Variants in PPP3CC observed in about 807,000 individuals in gnomAD.
The protein encoded by PPP3CC is protein phosphatase 3 catalytic subunit gamma, also known as serine/threonine-protein phosphatase 2B catalytic subunit gamma isoform.
In PPP3CC, 35 loss-of-function variants were observed where a neutral mutation model predicts 60.3. That is an observed-to-expected ratio of 0.58 (90% confidence interval 0.44 to 0.77). The LOEUF (loss-of-function observed/expected upper bound fraction) is 0.77. Ranked by LOEUF, PPP3CC falls within the 30% of genes least tolerant of loss-of-function variation. PPP3CC has a pLI of 0.00. For synonymous variants in PPP3CC, 206 were observed against 224.3 expected (o/e 0.92, Z 0.73); for missense variants, 570 against 628.9 (o/e 0.91, Z 1.00).
chr8:22,479,698 C>T (rs1367890540), intron 3 of PPP3CC, among the ~76,000 whole-genome samples: 2 of 147,566 alleles, frequency 1.4e-5, no homozygotes, highest in Non-Finnish European at 3.0e-5. Flanking sequence ...GAGCCCAGAT[C>T]GCCCCACTGC....
intron 1 of PPP3CC, among the ~76,000 whole-genome samples, chr8:22,452,023 T>TTTTA: frequency 6.6e-6 from 1 of 151,260 alleles, no homozygotes; most frequent in Admixed American, 6.6e-5. Context: ...ATAATGGTTT[T>TTTTA]TTTTTTTTTT....
At chr8:22,498,942 A>G (rs139548563) in intron 4 of PPP3CC, among the ~76,000 whole-genome samples, 1,894 of 149,040 alleles carry the variant, frequency 0.013, 33 homozygotes, top group African/African-American at 0.042. Context: ...GGCCAACATG[A>G]TGAAACCCCT....
intron 1 of PPP3CC, among the ~76,000 whole-genome samples, chr8:22,470,989 C>T (rs972725073): frequency 2.0e-5 from 3 of 152,168 alleles, no homozygotes; most frequent in African/African-American, 7.2e-5. Flanking sequence ...TGGAAAGCTG[C>T]TCTAGTCATA....
At chr8:22,476,077 G>A (rs1837879775) in intron 3 of PPP3CC, among the ~76,000 whole-genome samples, 1 of 152,156 alleles carries the variant, frequency 6.6e-6, no homozygotes, top group Non-Finnish European at 1.5e-5. Context: ...CACATAGTAA[G>A]CACTTAATAA....
intron 4 of PPP3CC, among the ~76,000 whole-genome samples, chr8:22,510,390 A>G (rs1386518790): frequency 6.6e-6 from 1 of 152,206 alleles, no homozygotes; most frequent in African/African-American, 2.4e-5. Flanking sequence ...CAAAAACATT[A>G]TTGACATTTT....
chr8:22,451,633 A>T (rs1475874487), intron 1 of PPP3CC, among the ~76,000 whole-genome samples: 1 of 152,204 alleles, frequency 6.6e-6, no homozygotes, highest in East Asian at 1.9e-4. Flanking sequence ...AGACCCTCCC[A>T]GCCCCCTTCG....
At chr8:22,452,821 A>G (rs1353546047) in intron 1 of PPP3CC, among the ~76,000 whole-genome samples, 1 of 152,176 alleles carries the variant, frequency 6.6e-6, no homozygotes, top group Non-Finnish European at 1.5e-5. Context: ...CGCTATCATC[A>G]TCATCATCAT....
At chr8:22,487,019 C>T (rs901141576) in intron 3 of PPP3CC, among the ~76,000 whole-genome samples, 6 of 152,026 alleles carry the variant, frequency 3.9e-5, no homozygotes, top group Non-Finnish European at 7.4e-5. Flanking sequence ...CATGAGCCAC[C>T]GCGCCCAGCC....
chr8:22,454,806 C>T (rs755371998), intron 1 of PPP3CC, among the ~76,000 whole-genome samples: 4 of 152,096 alleles, frequency 2.6e-5, no homozygotes, highest in South Asian at 2.1e-4. Flanking sequence ...CGGTGGCTCA[C>T]GCCTGTAATC....
chr8:22,478,141 C>T (rs543593011), intron 3 of PPP3CC, among the ~76,000 whole-genome samples: 3 of 151,398 alleles, frequency 2.0e-5, no homozygotes, highest in South Asian at 2.1e-4. Context: ...TGAGCCACTG[C>T]GCCTGGCAAT....
intron 8 of PPP3CC, among the ~76,000 whole-genome samples, chr8:22,525,811 C>T (rs1485493267): frequency 1.3e-5 from 2 of 151,778 alleles, no homozygotes; most frequent in Non-Finnish European, 2.9e-5. Flanking sequence ...CCTCCTGCCT[C>T]GGCCTCCCAA....
rs149167807 is a variant in PPP3CC at position 22,474,887 on chromosome 8, A to G, written c.50-67A>G. ...TATTAGGTTTAATTTGTCATGTAAAAGAATTGTGTTCTGTTTGTTCTCTAT... is the reference window on the plus strand; with the variant it reads ...TATTAGGTTTAATTTGTCATGTAAAGGAATTGTGTTCTGTTTGTTCTCTAT... On this transcript the variant is annotated intron_variant, in intron 1 of 13. Transcript: ENST00000240139. 5.9e-4 allele frequency: 642 copies of G among 1,082,470 alleles called. 2 individuals carry two copies. The African/African-American group carries it at 9.0e-3, about 15-fold the overall frequency. The allele number at this position is 1,082,470 out of a possible 1,614,324, so 67.1% of individuals were successfully genotyped here. A position where few individuals can be genotyped will look rare whatever the true frequency, so the allele number is the denominator to read the frequency against.
At chr8:22,525,157 TA>T (rs996647218) in intron 8 of PPP3CC, among the ~76,000 whole-genome samples, 5 of 147,380 alleles carry the variant, frequency 3.4e-5, no homozygotes, top group Non-Finnish European at 6.0e-5. Flanking sequence ...CTCTAAAAAA[TA>T]AAAAAAAAAG....
At chr8:22,505,457 C>G (rs777610536) in intron 4 of PPP3CC, among the ~76,000 whole-genome samples, 2 of 152,222 alleles carry the variant, frequency 1.3e-5, no homozygotes, top group African/African-American at 4.8e-5. Flanking sequence ...TACTGTTTGT[C>G]ATTGCTCATT....
rs932220719 is a variant in PPP3CC, at chr8:22,492,547, G to A, written c.373-5454G>A. On this transcript the variant is annotated intron_variant, in intron 3 of 13. Transcript: ENST00000240139. ...CATGTGTGTGCACCTAATCTCAGCT[G>A]GTGGTCCACCCGAGACCCCCAAGCA... 1.2e-4 allele frequency: 46 copies of A among 372,756 alleles called. No homozygotes were observed. The Admixed American group carries it at 1.9e-3, about 15-fold the overall frequency. The allele number at this position is 372,756 out of a possible 1,614,324, so 23.1% of individuals were successfully genotyped here. A position where few individuals can be genotyped will look rare whatever the true frequency, so the allele number is the denominator to read the frequency against.
At chr8:22,459,679 A>G (rs1226754671) in intron 1 of PPP3CC, among the ~76,000 whole-genome samples, 2 of 152,198 alleles carry the variant, frequency 1.3e-5, no homozygotes, top group African/African-American at 4.8e-5. Flanking sequence ...AAGAAGAAGT[A>G]CAAGAGATTA....
intron 4 of PPP3CC, among the ~76,000 whole-genome samples, chr8:22,503,194 G>T (rs1378381245): frequency 4.6e-5 from 7 of 152,142 alleles, no homozygotes; most frequent in African/African-American, 1.7e-4. Flanking sequence ...GGTTAAGAAC[G>T]ACGGCTCTGG....
At chr8:22,448,800 A>G (rs148200587) in intron 1 of PPP3CC, among the ~76,000 whole-genome samples, 107 of 152,190 alleles carry the variant, frequency 7.0e-4, no homozygotes, top group African/African-American at 2.5e-3. Flanking sequence ...GATTTTTGCA[A>G]TTTGCTTTTA....
At chr8:22,457,678 C>T (rs990487943) in intron 1 of PPP3CC, among the ~76,000 whole-genome samples, 2 of 152,192 alleles carry the variant, frequency 1.3e-5, no homozygotes, top group South Asian at 2.1e-4. Context: ...TATAATCTTC[C>T]GTACTTACAG....
Sources: gnomAD v4.1 joint callset for allele counts (sites outside exome capture counted in the v4.1 genomes callset) on GRCh38, gnomAD v4.1.1 for gene constraint, MANE v1.5 for transcripts, NCBI Gene and HGNC (gene_info 2026-07-23, HGNC 2026-07-21) for gene names.